Variants in DCDC1 observed in about 807,000 individuals in gnomAD.
The protein encoded by DCDC1 is doublecortin domain containing 1.
A neutral mutation model predicts 178.3 loss-of-function variants in DCDC1; 200 were observed. The ratio of observed to expected loss-of-function variants is 1.12; its 90% CI spans 1.00 to 1.26. DCDC1 has a LOEUF of 1.26. Ranked by LOEUF, DCDC1 falls within the 50% of genes most tolerant of loss-of-function variation. The pLI, the probability that DCDC1 is intolerant of heterozygous loss-of-function variation, is 0.00. For missense variants in DCDC1, 1,983 were observed against 1,749.2 expected (o/e 1.13, Z -2.38); for synonymous variants, 690 against 604.8 (o/e 1.14, Z -2.07).
At chr11:30,910,005 GAATT>G (rs1360359270) in intron 28 of DCDC1, among the ~76,000 whole-genome samples, 2 of 152,074 alleles carry the variant, frequency 1.3e-5, no homozygotes, top group Non-Finnish European at 2.9e-5. Context: ...TGAGTCCCAA[GAATT>G]AATTTAATGG....
At chr11:31,307,263 T>G (rs1029654373) in intron 4 of DCDC1, among the ~76,000 whole-genome samples, 3 of 152,230 alleles carry the variant, frequency 2.0e-5, no homozygotes, top group South Asian at 2.1e-4. Flanking sequence ...AAAACATATT[T>G]ACAAAATTGT....
intron 8 of DCDC1, among the ~76,000 whole-genome samples, chr11:31,249,504 T>G (rs1464229942): frequency 6.6e-6 from 1 of 152,122 alleles, no homozygotes; most frequent in Non-Finnish European, 1.5e-5. Context: ...GATGAAGTCC[T>G]ATGCCAGGAA....
intron 9 of DCDC1, among the ~76,000 whole-genome samples, chr11:31,160,918 A>G (rs986374018): frequency 3.3e-5 from 5 of 152,160 alleles, no homozygotes; most frequent in African/African-American, 9.7e-5. Context: ...TATTTCTGTA[A>G]AAGTTTGATT....
intron 3 of DCDC1, among the ~76,000 whole-genome samples, chr11:31,322,262 A>G (rs1265519391): frequency 1.3e-5 from 2 of 152,242 alleles, no homozygotes; most frequent in Non-Finnish European, 2.9e-5. Context: ...ATACCACTGA[A>G]AAGAAACAAA....
intron 6 of DCDC1, among the ~76,000 whole-genome samples, chr11:31,298,972 T>C (rs1947903524): frequency 6.6e-6 from 1 of 152,240 alleles, no homozygotes. Flanking sequence ...ACATTAAATA[T>C]GAATAAGCAC....
rs117316946 is a variant in DCDC1, at chr11:31,190,061, A to G, written c.1221+51389T>C. Reference sequence around the variant, plus strand: ...AATACAAAATGGTTGGAAATATTGAACCACTATTTTAAGGGTGTGTTTCAC... The same window carrying G: ...AATACAAAATGGTTGGAAATATTGAGCCACTATTTTAAGGGTGTGTTTCAC... On this transcript the variant is annotated intron_variant, in intron 9 of 38. Coordinates refer to ENST00000684477, the MANE Select transcript of DCDC1 (RefSeq NM_001387274.1). 3.8e-4 allele frequency among the ~76,000 whole-genome samples: 58 copies of G among 152,272 alleles called. No homozygotes were observed. The East Asian group carries it at 0.01, about 27-fold the overall frequency.
At chr11:30,995,731 C>A (rs1951228878) in intron 20 of DCDC1, among the ~76,000 whole-genome samples, 1 of 152,002 alleles carries the variant, frequency 6.6e-6, no homozygotes, top group Admixed American at 6.6e-5. Flanking sequence ...AAGACAAAAA[C>A]CAAAAAGAAC....
chr11:31,198,397 C>G (rs904553964), intron 9 of DCDC1, among the ~76,000 whole-genome samples: 3 of 151,976 alleles, frequency 2.0e-5, no homozygotes, highest in African/African-American at 7.2e-5. Context: ...GTATAGATTT[C>G]TACTTTATAT....
intron 20 of DCDC1, among the ~76,000 whole-genome samples, chr11:31,005,725 A>C (rs886929607): frequency 2.0e-5 from 3 of 152,060 alleles, no homozygotes; most frequent in Non-Finnish European, 4.4e-5. Flanking sequence ...TTCAGCCTTC[A>C]CCATCAGCCA....
intron 20 of DCDC1, among the ~76,000 whole-genome samples, chr11:31,041,612 C>T (rs1459159052): frequency 6.6e-6 from 1 of 152,146 alleles, no homozygotes; most frequent in African/African-American, 2.4e-5. Context: ...GTCTGTGCTC[C>T]TAATTCTTAT....
intron 36 of DCDC1, 127 bp downstream of exon 36, chr11:30,892,691 C>G (rs1590250273): frequency 9.6e-7 from 1 of 1,039,770 alleles, no homozygotes; most frequent in East Asian, 2.5e-5. Flanking sequence ...GAGGAAAGTA[C>G]TGTTACTATT....
At chr11:31,089,790 T>C (rs1957697044) in intron 17 of DCDC1, among the ~76,000 whole-genome samples, 1 of 152,174 alleles carries the variant, frequency 6.6e-6, no homozygotes, top group African/African-American at 2.4e-5. Context: ...TTCTTTTATA[T>C]CTTCCATGTA....
intron 11 of DCDC1, among the ~76,000 whole-genome samples, chr11:31,118,305 A>G (rs916916841): frequency 1.3e-5 from 2 of 152,194 alleles, no homozygotes; most frequent in Non-Finnish European, 2.9e-5. Flanking sequence ...CTGAGAAACT[A>G]AAAGCTGTAC....
chr11:31,141,367 A>T (rs1021053477), intron 9 of DCDC1, among the ~76,000 whole-genome samples: 8 of 152,192 alleles, frequency 5.3e-5, no homozygotes, highest in African/African-American at 1.7e-4. Context: ...AAAGGTGGAA[A>T]AGCCTTTTAG....
chr11:31,270,030 C>A (rs973998024), intron 7 of DCDC1, among the ~76,000 whole-genome samples: 1 of 152,144 alleles, frequency 6.6e-6, no homozygotes, highest in Non-Finnish European at 1.5e-5. Flanking sequence ...ACCTTGAAAC[C>A]TTTTAATATG....
intron 9 of DCDC1, among the ~76,000 whole-genome samples, chr11:31,226,133 T>G (rs1416091993): frequency 6.6e-6 from 1 of 152,098 alleles, no homozygotes; most frequent in Non-Finnish European, 1.5e-5. Flanking sequence ...ATTTTGAAAC[T>G]ATAATGACTT....
chr11:30,988,960 T>C (rs1415007738), intron 20 of DCDC1, among the ~76,000 whole-genome samples: 1 of 152,070 alleles, frequency 6.6e-6, no homozygotes, highest in Non-Finnish European at 1.5e-5. Context: ...TGAAAATGGA[T>C]CTATGAATCT....
intron 3 of DCDC1, among the ~76,000 whole-genome samples, chr11:31,321,403 G>C (rs1184795706): frequency 1.3e-5 from 2 of 148,292 alleles, no homozygotes. Context: ...ATTCGGGTGG[G>C]AGTGACCCGA....
chr11:30,896,866 G>A (rs630964), intron 34 of DCDC1, among the ~76,000 whole-genome samples: 89,181 of 152,054 alleles, frequency 0.59, 26,780 homozygotes, highest in African/African-American at 0.68. Context: ...ATGCTTACCA[G>A]TGAAATGTAA....
Sources: allele counts gnomAD v4.1 joint callset (sites outside exome capture counted in the v4.1 genomes callset), GRCh38; gene constraint gnomAD v4.1.1; transcripts MANE v1.5; gene names NCBI Gene and HGNC (gene_info 2026-07-23, HGNC 2026-07-21).